Variants in RBM45 observed in about 807,000 individuals in gnomAD.
RBM45 encodes RNA binding motif protein 45.
RBM45 carries 39 observed loss-of-function variants against 58.5 expected under a neutral mutation model. The observed-to-expected ratio is 0.67, with a 90% CI of 0.52 to 0.87. RBM45 has a LOEUF of 0.87. Ranked by LOEUF, RBM45 falls within the 40% of genes least tolerant of loss-of-function variation. The pLI, the probability that RBM45 is intolerant of heterozygous loss-of-function variation, is 0.00. For missense variants in RBM45, 481 were observed against 581.6 expected, an observed-to-expected ratio of 0.83 and a Z score of 1.78; for synonymous variants, 193 against 203.0, an observed-to-expected ratio of 0.95 and a Z score of 0.42.
At chr2:178,127,017 A>G (rs2087939349) in intron 9 of RBM45, among the ~76,000 whole-genome samples, 2 of 151,810 alleles carry the variant, frequency 1.3e-5, no homozygotes, top group Admixed American at 6.6e-5. Flanking sequence ...ATTCACTGCA[A>G]CCTCCACCTC....
Position 178,124,196 on chromosome 2 carries a change from A to C in RBM45, c.1138A>C (p.Lys380Gln). The change falls in exon 8 of 10, where the codon AAA becomes CAA. Residue 380 changes from lysine (K) to glutamine (Q), a missense_variant. Lys to Gln is a moderately conservative substitution (Grantham distance 53). Coordinates refer to ENST00000286070, the MANE Select transcript of RBM45 (RefSeq NM_152945.4). Reference sequence around the variant, plus strand: ...AGATGTTGTACTTCCATCATGCAAAAAAAAAGCTCCTGCTGAAACTCCTGT... The same window carrying C: ...AGATGTTGTACTTCCATCATGCAAACAAAAAGCTCCTGCTGAAACTCCTGT... ...QTDVVLPSCK[K>Q]KAPAETPVKE... is the part of the protein sequence containing the mutation. The C allele has an allele frequency of 1.2e-6, 2 of 1,612,016 alleles. No homozygotes were observed.
intron 3 of RBM45, among the ~76,000 whole-genome samples, chr2:178,134,808 C>A (rs912491349): frequency 1.3e-5 from 2 of 152,028 alleles, no homozygotes; most frequent in African/African-American, 4.8e-5. Flanking sequence ...CCTGGCCAAC[C>A]TGGTAAATCC....
intron 1 of RBM45, among the ~76,000 whole-genome samples, chr2:178,114,254 T>C (rs1178020706): frequency 6.6e-6 from 1 of 152,226 alleles, no homozygotes; most frequent in East Asian, 1.9e-4. Context: ...TGCTGACCCC[T>C]GTACTAGACT....
intron 5 of RBM45, 33 bp downstream of exon 5, chr2:178,121,392 A>C: frequency 1.1e-6 from 1 of 942,448 alleles, no homozygotes. Flanking sequence ...AAATATATAT[A>C]TATGTATATA....
At chr2:178,132,895 T>A (rs1254462501), downstream of RBM45, among the ~76,000 whole-genome samples, 1 of 152,148 alleles carries the variant, frequency 6.6e-6, no homozygotes, top group Non-Finnish European at 1.5e-5. Context: ...GCCAAAACTG[T>A]GGTTCTTTAA....
intron 2 of RBM45, among the ~76,000 whole-genome samples, chr2:178,117,301 A>G (rs555749217): frequency 1.3e-5 from 2 of 152,272 alleles, no homozygotes; most frequent in Admixed American, 1.3e-4. Context: ...AAATATTTAT[A>G]AATTTTTCTT....
At chr2:178,136,936 G>A (rs1413558917) in exon 4 of RBM45, 1 of 152,152 alleles carries the variant, frequency 6.6e-6, no homozygotes. Context: ...GTAACTAAAT[G>A]GGCAAAAGAT....
intron 5 of RBM45, among the ~76,000 whole-genome samples, chr2:178,122,364 G>A (rs1451145556): frequency 1.3e-5 from 2 of 152,036 alleles, no homozygotes; most frequent in Admixed American, 6.6e-5. Context: ...AAGTAGTGAC[G>A]TGAGTTTGGT....
At chr2:178,125,889 AG>A in intron 8 of RBM45, 94 bp from the exon 9 acceptor site, 1 of 867,938 alleles carries the variant, frequency 1.2e-6, no homozygotes, top group African/African-American at 1.7e-5. Context: ...TCTGGGGAGA[AG>A]GGTGAAAATG....
chr2:178,132,647 A>G (rs2088014294), downstream of RBM45, among the ~76,000 whole-genome samples: 1 of 152,098 alleles, frequency 6.6e-6, no homozygotes, highest in Admixed American at 6.6e-5. Flanking sequence ...CTGGAGTACA[A>G]TGGTGCGATC....
chr2:178,116,788 T>A (rs531257055), intron 2 of RBM45, among the ~76,000 whole-genome samples: 154 of 152,060 alleles, frequency 1.0e-3, no homozygotes, highest in African/African-American at 3.5e-3. Flanking sequence ...CTCCCCTCTA[T>A]TGCCTGGCAT....
At position 178,123,927 on chromosome 2, in the gene RBM45, A is replaced by T; in HGVS notation, c.1068+15A>T. The T allele has an allele frequency of 6.2e-7, 1 of 1,601,718 alleles. No individual in the cohort carries two copies. Among genetic ancestry groups the T allele is most frequent in the Non-Finnish European group, 8.6e-7 (1 of 1,169,130 alleles). ...AACAATTTATGGTAAGTAGGTAAGA[A>T]TTTAACCTTTATAATATATCAATAG... On this transcript the variant is annotated intron_variant, in intron 7 of 9. Coordinates refer to ENST00000286070, the MANE Select transcript of RBM45 (RefSeq NM_152945.4).
At chr2:178,133,221 TAAC>T (rs1425347132), downstream of RBM45, among the ~76,000 whole-genome samples, 1 of 152,208 alleles carries the variant, frequency 6.6e-6, no homozygotes, top group African/African-American at 2.4e-5. Context: ...GTCTCACAAA[TAAC>T]AAATAATAGG....
chr2:178,123,124 C>T (rs1230454615), intron 5 of RBM45, among the ~76,000 whole-genome samples: 1 of 152,144 alleles, frequency 6.6e-6, no homozygotes, highest in Non-Finnish European at 1.5e-5. Flanking sequence ...TTTCAACTAT[C>T]ACTTCTCATT....
intron 8 of RBM45, among the ~76,000 whole-genome samples, chr2:178,124,604 A>T (rs2087902042): frequency 6.6e-6 from 1 of 152,178 alleles, no homozygotes; most frequent in African/African-American, 2.4e-5. Context: ...GCTTGAGCTC[A>T]GGAGTTCAAG....
chr2:178,132,519 CTTAATT>C (rs2088013249), downstream of RBM45, among the ~76,000 whole-genome samples: 1 of 152,210 alleles, frequency 6.6e-6, no homozygotes, highest in African/African-American at 2.4e-5. Context: ...GCATTCCAAT[CTTAATT>C]TAAGGCACTG....
At chr2:178,117,703 G>A (rs1332784176) in intron 2 of RBM45, among the ~76,000 whole-genome samples, 1 of 152,182 alleles carries the variant, frequency 6.6e-6, no homozygotes, top group Non-Finnish European at 1.5e-5. Flanking sequence ...GGCACAGAGA[G>A]AATAAGTAAA....
chr2:178,118,368 A>C (rs1373597127), intron 3 of RBM45, among the ~76,000 whole-genome samples, 187 bp downstream of exon 3: 1 of 152,190 alleles, frequency 6.6e-6, no homozygotes, highest in Non-Finnish European at 1.5e-5. Context: ...TCATTGAGGC[A>C]CTATCTTGAA....
In RBM45 at chr2:178,116,328, A is replaced by G; in HGVS notation, c.367A>G (p.Ile123Val). Residue 123 changes from isoleucine to valine, a missense_variant, in exon 2 of 10, where the codon ATC becomes GTC. Ile to Val is a conservative substitution (Grantham distance 29). Coordinates refer to ENST00000286070, the MANE Select transcript of RBM45 (RefSeq NM_152945.4). ...TGTTGAAGATGAAGAACTTACAAGA[A>G]TCTTTGTTATGATACCAAAGTCCTA... ...RDVEDEELTR[I>V]FVMIPKSYTE... The G allele has an allele frequency of 8.7e-6, 14 of 1,613,292 alleles. No homozygotes were observed. The highest frequency in any genetic ancestry group is 1.3e-5 in the African/African-American group (1 of 74,972).
Sources: allele counts gnomAD v4.1 joint callset (sites outside exome capture counted in the v4.1 genomes callset), GRCh38; gene constraint gnomAD v4.1.1; transcripts MANE v1.5; gene names NCBI Gene and HGNC (gene_info 2026-07-23, HGNC 2026-07-21).